ACOT7: variants seen among roughly 807,000 people sequenced by gnomAD.
ACOT7 encodes acyl-CoA thioesterase 7, also known as cytosolic acyl coenzyme A thioester hydrolase.
ACOT7 carries 12 observed loss-of-function variants against 40.2 expected under a neutral mutation model. The ratio of observed to expected loss-of-function variants is 0.30; its 90% CI spans 0.19 to 0.48. The LOEUF (loss-of-function observed/expected upper bound fraction) is 0.48. ACOT7 is among the 20% of genes least tolerant of loss of function. The pLI is 0.99. For missense variants in ACOT7, 395 were observed against 530.8 expected (o/e 0.74, Z 2.51); for synonymous variants, 228 against 219.5 (o/e 1.04, Z -0.34).
intron 8 of ACOT7, among the ~76,000 whole-genome samples, chr1:6,273,684 T>C (rs1002843327): frequency 1.7e-4 from 26 of 152,250 alleles, no homozygotes; most frequent in African/African-American, 6.3e-4. Flanking sequence ...TAAAAAATTA[T>C]TCCAAAAGTC....
chr1:6,309,662 G>T (rs1640276785), intron 6 of ACOT7, among the ~76,000 whole-genome samples: 1 of 152,122 alleles, frequency 6.6e-6, no homozygotes, highest in African/African-American at 2.4e-5. Flanking sequence ...TTGCAGGAGT[G>T]TTCCATTTCC....
chr1:6,281,340 G>A, intron 7 of ACOT7, 54 bp from the exon 8 acceptor site: 4 of 1,543,210 alleles, frequency 2.6e-6, no homozygotes, highest in Non-Finnish European at 3.6e-6. Context: ...CGGCTGGGCG[G>A]GGGACACTGG....
intron 1 of ACOT7, among the ~76,000 whole-genome samples, chr1:6,374,598 G>A (rs1182560064): frequency 6.6e-6 from 1 of 152,206 alleles, no homozygotes; most frequent in Non-Finnish European, 1.5e-5. Flanking sequence ...TGAGGGGCAG[G>A]TGGAAATGGC....
rs571865881 is a variant in ACOT7, at chr1:6,265,161, A to T, written c.1015-466T>A. Among the ~76,000 whole-genome samples, 12 of 152,234 alleles carry T rather than the reference A, an allele frequency of 7.9e-5. No individual in the cohort carries two copies. The South Asian group carries it at 2.5e-3, about 32-fold the overall frequency. On this transcript the variant is annotated intron_variant, in intron 8 of 8. Transcript: ENST00000361521. Reference sequence around the variant, plus strand: ...TGAACGGAAGTGGAAAGGAAGAGGGACCCTGCATTCGCTGCACTCCCAGGA... The same window carrying T: ...TGAACGGAAGTGGAAAGGAAGAGGGTCCCTGCATTCGCTGCACTCCCAGGA...
In ACOT7 at chr1:6,318,495, C is replaced by G. The variant is rs1383361120; in HGVS notation, c.709G>C (p.Gly237Arg). The G allele has an allele frequency of 6.2e-7, 1 of 1,613,864 alleles. No homozygotes were observed. ...SDCTLHGFVH[G>R]GVTMKLMDEV... Reference sequence around the variant, plus strand: ...GGCCAGGGCGCTTCCTTCTTACCTCCGTGCACAAAGCCGTGCAGGGTGCAG... The same window carrying G: ...GGCCAGGGCGCTTCCTTCTTACCTCGGTGCACAAAGCCGTGCAGGGTGCAG... The change falls in exon 6 of 9, where the codon GGA becomes CGA. Residue 237 changes from glycine (G) to arginine (R), a missense_variant. By Grantham distance (125) the Gly-to-Arg change is moderately radical. Around this residue, in one of 2 missense-constraint regions of ACOT7, gnomAD observed 309 missense variants for 470.3 expected, o/e 0.66. Coordinates refer to ENST00000361521, the MANE Select transcript of ACOT7 (RefSeq NM_007274.4).
chr1:6,314,775 C>G (rs770715494), intron 6 of ACOT7, among the ~76,000 whole-genome samples: 1 of 152,110 alleles, frequency 6.6e-6, no homozygotes. Context: ...CACCACCAAC[C>G]CTCCTCCCGC....
rs1056121195 is a variant in ACOT7 at position 6,344,866 on chromosome 1, G to A, written c.261+4883C>T. On this transcript the variant is annotated intron_variant, in intron 2 of 8. Transcript: ENST00000361521. Reference sequence around the variant, plus strand: ...CCACGGTCCCATTTCACTATCAGGAGACCCTGTGGGAGGATTTTGTTTTAC... The same window carrying A: ...CCACGGTCCCATTTCACTATCAGGAAACCCTGTGGGAGGATTTTGTTTTAC... Among the ~76,000 whole-genome samples, 16 of 151,706 alleles carry A rather than the reference G, an allele frequency of 1.1e-4. 1 individual carries two copies. The highest frequency in any genetic ancestry group is 3.4e-4 in the African/African-American group (14 of 41,304).
At position 6,289,298 on chromosome 1, in the gene ACOT7, C is replaced by A. The variant is rs941919129; in HGVS notation, c.829+5566G>T. ...TATTTTTAGTAGAGACGGGGTTTCA[C>A]CATGTTGGCCAGGCTGGTCTCGAAC... On this transcript the variant is annotated intron_variant, in intron 7 of 8. Transcript: ENST00000361521. The surrounding 1 kb of genome is among the most constrained non-coding windows in gnomAD (Gnocchi z 4.6). Among the ~76,000 whole-genome samples the A allele has an allele frequency of 1.8e-4, 27 of 152,122 alleles. No individual in the cohort carries two copies. The highest frequency in any genetic ancestry group is 6.5e-4 in the African/African-American group (27 of 41,418).
intron 1 of ACOT7, among the ~76,000 whole-genome samples, chr1:6,386,618 G>A (rs925986647): frequency 9.2e-5 from 14 of 152,306 alleles, no homozygotes; most frequent in Admixed American, 3.9e-4. Flanking sequence ...CACTTTGGGA[G>A]GCCGAGGTGG....
In ACOT7 at chr1:6,390,935, AAAAC is replaced by A. The variant is rs925929062; in HGVS notation, c.143+2318_143+2321del. Among the ~76,000 whole-genome samples the A allele has an allele frequency of 4.5e-3, 677 of 152,118 alleles. 3 individuals carry two copies. Among genetic ancestry groups the A allele is most frequent in the African/African-American group, 0.015 (623 of 41,492 alleles). On this transcript the variant is annotated intron_variant, in intron 1 of 8. Coordinates refer to ENST00000361521, the MANE Select transcript of ACOT7 (RefSeq NM_007274.4). ...TGGGTGACAGAGCGAGACTGTCTCA[AAAAC>A]AAACAAACAAACAAACAAAAAGCAC...
intron 3 of ACOT7, among the ~76,000 whole-genome samples, chr1:6,334,225 T>G (rs1641038759): frequency 6.6e-6 from 1 of 152,230 alleles, no homozygotes; most frequent in Non-Finnish European, 1.5e-5. Context: ...AACTGATCGC[T>G]GCTGACATCG....
At chr1:6,276,982 C>T (rs1341639775) in intron 8 of ACOT7, among the ~76,000 whole-genome samples, 2 of 151,852 alleles carry the variant, frequency 1.3e-5, no homozygotes, top group African/African-American at 2.4e-5. Context: ...TCCTCCTGCA[C>T]TCTGACCACC....
Position 6,293,135 on chromosome 1 carries a change from C to T in ACOT7, c.829+1729G>A, listed in dbSNP as rs146982489. On this transcript the variant is annotated intron_variant, in intron 7 of 8. Coordinates refer to ENST00000361521, the MANE Select transcript of ACOT7 (RefSeq NM_007274.4). ...CGCTCTCCTGACCTCATGATCCGCC[C>T]GCCTCGGCCTCCCAAAGTGCTGGCA... Among the ~76,000 whole-genome samples, 1,519 of 152,210 alleles carry T rather than the reference C, an allele frequency of 1.0e-2. 23 individuals are homozygous for T. The highest frequency in any genetic ancestry group is 0.035 in the African/African-American group (1,445 of 41,538).
At position 6,324,750 on chromosome 1, in the gene ACOT7, C is replaced by A. The variant is rs72633425; in HGVS notation, c.625+2549G>T. Among the ~76,000 whole-genome samples the A allele has an allele frequency of 7.1e-3, 1,086 of 152,338 alleles. 6 individuals carry two copies. Among genetic ancestry groups the A allele is most frequent in the South Asian group, 0.011 (51 of 4,834 alleles). On this transcript the variant is annotated intron_variant, in intron 5 of 8. Coordinates refer to ENST00000361521, the MANE Select transcript of ACOT7 (RefSeq NM_007274.4). Reference sequence around the variant, plus strand: ...TAGGCTAGACATAGCCTCTTCTTGTCTCTTGCAAGGGCACTGATCACTGGA... The same window carrying A: ...TAGGCTAGACATAGCCTCTTCTTGTATCTTGCAAGGGCACTGATCACTGGA...
At chr1:6,375,745 G>C (rs908410256) in intron 1 of ACOT7, among the ~76,000 whole-genome samples, 1 of 149,962 alleles carries the variant, frequency 6.7e-6, no homozygotes, top group Non-Finnish European at 1.5e-5. Context: ...GACCATCCTG[G>C]TTAACACGGT....
chr1:6,342,107 G>A (rs528276479), intron 2 of ACOT7, among the ~76,000 whole-genome samples: 1 of 152,342 alleles, frequency 6.6e-6, no homozygotes, highest in African/African-American at 2.4e-5. Context: ...TCACAGTCCT[G>A]GAGGGGGGAA....
At chr1:6,367,465 C>A (rs955230212) in intron 1 of ACOT7, among the ~76,000 whole-genome samples, 1 of 152,176 alleles carries the variant, frequency 6.6e-6, no homozygotes, top group Non-Finnish European at 1.5e-5. Flanking sequence ...TGGTGTGGAG[C>A]AGCGAGCAGT....
chr1:6,353,004 G>A (rs1193132223), intron 1 of ACOT7, among the ~76,000 whole-genome samples: 6 of 152,072 alleles, frequency 3.9e-5, no homozygotes, highest in East Asian at 1.9e-4. Flanking sequence ...TCAGCCTTCC[G>A]AGTAAGTGGG....
chr1:6,360,803 G>C, intron 1 of ACOT7: 5 of 1,466,366 alleles, frequency 3.4e-6, no homozygotes, highest in Non-Finnish European at 4.5e-6. Flanking sequence ...CTTCCAGCTG[G>C]TCCCAGTCCA....
Sources: allele counts gnomAD v4.1 joint callset (sites outside exome capture counted in the v4.1 genomes callset), GRCh38; gene constraint gnomAD v4.1.1; regional missense constraint gnomAD v4.1.1; non-coding constraint Gnocchi (gnomAD v3.1); transcripts MANE v1.5; gene names NCBI Gene and HGNC (gene_info 2026-07-23, HGNC 2026-07-21).